Variants in DCDC2 observed in about 807,000 individuals in gnomAD.
DCDC2 encodes the protein doublecortin domain containing 2.
Under a neutral mutation model 50.2 loss-of-function variants are expected in DCDC2, and 40 were observed. That is an observed-to-expected ratio of 0.80 (90% CI 0.62 to 1.04). The LOEUF is 1.04. DCDC2 is among the 50% of genes least tolerant of loss of function. The probability of loss-of-function intolerance (pLI) is 0.00; values close to 1 mark genes in which losing one functional copy is unlikely to be tolerated. For synonymous variants in DCDC2, 234 were observed against 210.6 expected (o/e 1.11, Z -0.96); for missense variants, 570 against 581.9 (o/e 0.98, Z 0.21).
chr6:24,174,890 T>C, intron 9 of DCDC2, 56 bp from the exon 10 acceptor site: 1 of 1,132,160 alleles, frequency 8.8e-7, no homozygotes, highest in Admixed American at 2.2e-5. Flanking sequence ...ACAAAGGTAA[T>C]GACATTTATA....
intron 2 of DCDC2, among the ~76,000 whole-genome samples, chr6:24,309,016 T>G (rs575968968): frequency 3.8e-4 from 58 of 152,108 alleles, no homozygotes; most frequent in African/African-American, 1.3e-3. Flanking sequence ...AAAAGGACAT[T>G]GAATGGAAAT....
At chr6:24,302,299 A>C (rs937780280) in intron 2 of DCDC2, among the ~76,000 whole-genome samples, 1 of 149,686 alleles carries the variant, frequency 6.7e-6, no homozygotes, top group African/African-American at 2.5e-5. Context: ...CTGTGGAAAA[A>C]AAAAAAAAAC....
At chr6:24,204,962 A>AT in intron 8 of DCDC2, 40 bp downstream of exon 8, 2 of 1,572,540 alleles carry the variant, frequency 1.3e-6, no homozygotes, top group Non-Finnish European at 1.7e-6. Flanking sequence ...AAAAAACACT[A>AT]TAATTGTCTT....
At chr6:24,314,945 C>G (rs1281235758) in intron 2 of DCDC2, among the ~76,000 whole-genome samples, 1 of 152,100 alleles carries the variant, frequency 6.6e-6, no homozygotes, top group Non-Finnish European at 1.5e-5. Flanking sequence ...TGCTTGAGAT[C>G]TTTCAAAAGA....
intron 8 of DCDC2, among the ~76,000 whole-genome samples, chr6:24,194,223 A>G (rs1761375438): frequency 6.6e-6 from 1 of 152,112 alleles, no homozygotes; most frequent in South Asian, 2.1e-4. Context: ...TCTTTGTTGA[A>G]CTGATTGACT....
At chr6:24,220,907 AGAGTGAGC>A (rs1309641752) in intron 7 of DCDC2, among the ~76,000 whole-genome samples, 2 of 132,006 alleles carry the variant, frequency 1.5e-5, no homozygotes, top group African/African-American at 2.7e-5. Flanking sequence ...AGCGAGCGAG[AGAGTGAGC>A]GAGCGAGCGA....
chr6:24,236,442 C>T (rs1434257483), intron 7 of DCDC2, among the ~76,000 whole-genome samples: 1 of 152,104 alleles, frequency 6.6e-6, no homozygotes, highest in Non-Finnish European at 1.5e-5. Context: ...TGCAAGAATC[C>T]TAGAAGACGA....
At chr6:24,336,767 C>G (rs886095020) in intron 2 of DCDC2, among the ~76,000 whole-genome samples, 1 of 151,830 alleles carries the variant, frequency 6.6e-6, no homozygotes, top group South Asian at 2.1e-4. Context: ...GAAGTAAACC[C>G]TGTCTTATTT....
intron 8 of DCDC2, 33 bp from the exon 9 acceptor site, chr6:24,178,665 AAGAAGCATAAC>A (rs1208653777): frequency 1.3e-6 from 2 of 1,581,804 alleles, no homozygotes; most frequent in Non-Finnish European, 8.6e-7. Flanking sequence ...GGATAAAAGT[AAGAAGCATAAC>A]AGAACATTTC....
intron 6 of DCDC2, among the ~76,000 whole-genome samples, chr6:24,284,825 G>A (rs1421088294): frequency 6.6e-6 from 1 of 151,964 alleles, no homozygotes; most frequent in Non-Finnish European, 1.5e-5. Flanking sequence ...TGTTTCCTCT[G>A]CCTTGGATGC....
chr6:24,291,497 T>C (rs912188458), intron 4 of DCDC2, among the ~76,000 whole-genome samples: 1 of 125,640 alleles, frequency 8.0e-6, no homozygotes, highest in Admixed American at 7.9e-5. Flanking sequence ...TTTTTTTTTT[T>C]TTTTTTGAGA....
At chr6:24,291,904 G>T (rs972614653) in intron 4 of DCDC2, among the ~76,000 whole-genome samples, 1 of 152,244 alleles carries the variant, frequency 6.6e-6, no homozygotes, top group East Asian at 1.9e-4. Flanking sequence ...ACAGAGAACC[G>T]GGTCAGGAAC....
At chr6:24,306,900 T>C (rs1219037268) in intron 2 of DCDC2, among the ~76,000 whole-genome samples, 1 of 152,186 alleles carries the variant, frequency 6.6e-6, no homozygotes, top group Non-Finnish European at 1.5e-5. Flanking sequence ...CTGTTTGCTA[T>C]GAAAAATAAA....
At chr6:24,285,916 T>C (rs967314172) in intron 6 of DCDC2, among the ~76,000 whole-genome samples, 2 of 152,184 alleles carry the variant, frequency 1.3e-5, no homozygotes, top group African/African-American at 4.8e-5. Context: ...CTAGCTGCAC[T>C]GTGAGAATTA....
chr6:24,242,300 G>A lies in DCDC2; in HGVS notation c.922+35749C>T, dbSNP rs1762578599. Among the ~76,000 whole-genome samples the A allele has an allele frequency of 2.0e-5, 3 of 152,120 alleles. No homozygotes were observed. The South Asian group carries it at 6.2e-4, about 32-fold the overall frequency. ...AGGTCATCAGGGCCCTTTGAGCTCT[G>A]TGTTTGGCCCCCTTTGATAGCCTCG... On this transcript the variant is annotated intron_variant, in intron 7 of 9. Transcript: ENST00000378454.
At chr6:24,358,070 C>A (rs888146918), upstream of DCDC2, 6 of 849,184 alleles carry the variant, frequency 7.1e-6, no homozygotes, top group South Asian at 1.0e-4. Flanking sequence ...GAGCAGGAGC[C>A]GGAAACGCGC....
Position 24,272,816 on chromosome 6 carries a change from A to G in DCDC2, c.922+5233T>C, listed in dbSNP as rs1303940496. Among the ~76,000 whole-genome samples, 4 of 152,222 alleles carry G rather than the reference A, an allele frequency of 2.6e-5. No homozygotes were observed. The South Asian group carries it at 6.2e-4, about 24-fold the overall frequency. ...TGGAAAACAGCATGCAGATTCCTCA[A>G]AGACTGAAAATAGAATTTTCATTCT... On this transcript the variant is annotated intron_variant, in intron 7 of 9. Coordinates refer to ENST00000378454, the MANE Select transcript of DCDC2 (RefSeq NM_016356.5).
At chr6:24,227,439 T>C (rs981301726) in intron 7 of DCDC2, among the ~76,000 whole-genome samples, 3 of 152,052 alleles carry the variant, frequency 2.0e-5, no homozygotes, top group African/African-American at 7.3e-5. Flanking sequence ...TATCAAGAAA[T>C]CTAACTAAAG....
At chr6:24,289,968 CTTCTTTTTTTTTTTTTTTT>C (rs1763704631) in intron 5 of DCDC2, among the ~76,000 whole-genome samples, 3 of 100,814 alleles carry the variant, frequency 3.0e-5, no homozygotes, top group South Asian at 3.7e-4. Flanking sequence ...GGCCAGAGCT[CTTCTTTTTTTTTTTTTTTT>C]TTTTTTTTTT....
Sources: allele counts gnomAD v4.1 joint callset (sites outside exome capture counted in the v4.1 genomes callset), GRCh38; gene constraint gnomAD v4.1.1; transcripts MANE v1.5; gene names NCBI Gene and HGNC (gene_info 2026-07-23, HGNC 2026-07-21).